The following POU6F2 variants were observed in gnomAD, a reference collection of about 807,000 sequenced individuals.
POU6F2 encodes POU domain, class 6, transcription factor 2.
In POU6F2, 31 loss-of-function variants were observed where a neutral mutation model predicts 71.3. The ratio of observed to expected loss-of-function variants is 0.43; its 90% CI spans 0.33 to 0.59. The LOEUF (loss-of-function observed/expected upper bound fraction) is 0.59, where lower values mean the gene tolerates loss of function less well. Among genes scored for constraint, POU6F2 ranks in the 20% least tolerant of loss-of-function variants. The probability of loss-of-function intolerance (pLI) is 0.04; values close to 1 mark genes in which losing one functional copy is unlikely to be tolerated. For missense variants in POU6F2, 783 were observed against 856.8 expected (o/e 0.91, Z 1.07); for synonymous variants, 347 against 355.7 (o/e 0.98, Z 0.27).
chr7:39,135,339 A>T (rs1792369595), intron 2 of POU6F2, among the ~76,000 whole-genome samples: 1 of 152,220 alleles, frequency 6.6e-6, no homozygotes, highest in Non-Finnish European at 1.5e-5. Context: ...AATCTCAGCC[A>T]TTGTGGCATT....
At chr7:39,138,927 A>T (rs1257044849) in intron 2 of POU6F2, among the ~76,000 whole-genome samples, 6 of 151,920 alleles carry the variant, frequency 3.9e-5, no homozygotes, top group Non-Finnish European at 7.4e-5. Flanking sequence ...GAACCTAGTA[A>T]ATTAGAATTT....
At position 39,377,876 on chromosome 7, in the gene POU6F2, A is replaced by G. The variant is rs538906914; in HGVS notation, c.973-28724A>G. 9.8e-5 allele frequency among the ~76,000 whole-genome samples: 15 copies of G among 152,300 alleles called. No homozygotes were observed. The South Asian group carries it at 3.1e-3, about 32-fold the overall frequency. On this transcript the variant is annotated intron_variant, in intron 5 of 9. Transcript: ENST00000518318. ...AGTTACTTTTAAAAATAACCTGCATAAGAGCCACAAAAGGTAGGTACCTCT... is the reference window on the plus strand; with the variant it reads ...AGTTACTTTTAAAAATAACCTGCATGAGAGCCACAAAAGGTAGGTACCTCT...
chr7:39,264,719 A>C (rs1471120780), intron 4 of POU6F2, among the ~76,000 whole-genome samples: 1 of 152,190 alleles, frequency 6.6e-6, no homozygotes, highest in Non-Finnish European at 1.5e-5. Context: ...AGTACATTCA[A>C]TATATAATTT....
intron 4 of POU6F2, among the ~76,000 whole-genome samples, chr7:39,286,687 T>C (rs968826728): frequency 2.6e-5 from 4 of 152,210 alleles, no homozygotes; most frequent in Non-Finnish European, 5.9e-5. Context: ...CCAGTTGACA[T>C]CAGCATTTTC....
intron 4 of POU6F2, among the ~76,000 whole-genome samples, chr7:39,218,933 A>G (rs2128748022): frequency 6.6e-6 from 1 of 152,238 alleles, no homozygotes; most frequent in South Asian, 2.1e-4. Flanking sequence ...GACTGAAGAA[A>G]CCATGACTGA....
chr7:39,090,036 A>G (rs1042362506), intron 2 of POU6F2, among the ~76,000 whole-genome samples: 1 of 152,012 alleles, frequency 6.6e-6, no homozygotes, highest in Non-Finnish European at 1.5e-5. Flanking sequence ...AAAACCACGT[A>G]TAAGCATTGC....
At position 39,428,780 on chromosome 7, in the gene POU6F2, G is replaced by A. The variant is rs191715476; in HGVS notation, c.1114-4297G>A. ...CATTTCAGCACTTCCCTACACTCCC[G>A]TCAAAACTCACTCATCAAGTTCATG... On this transcript the variant is annotated intron_variant, in intron 6 of 9. Coordinates refer to ENST00000518318, the MANE Select transcript of POU6F2 (RefSeq NM_001370959.1). Among the ~76,000 whole-genome samples, 41 of 152,008 alleles carry A rather than the reference G, an allele frequency of 2.7e-4. No individual in the cohort carries two copies. In the East Asian group the frequency reaches 7.0e-3, roughly 26 times the overall value.
At chr7:39,260,244 AC>A (rs1225993405) in intron 4 of POU6F2, among the ~76,000 whole-genome samples, 4 of 147,574 alleles carry the variant, frequency 2.7e-5, no homozygotes, top group Non-Finnish European at 6.0e-5. Context: ...CACACACCAC[AC>A]CCCCGACACA....
intron 4 of POU6F2, among the ~76,000 whole-genome samples, chr7:39,231,170 A>G (rs758930775): frequency 2.0e-5 from 3 of 152,350 alleles, no homozygotes; most frequent in Non-Finnish European, 4.4e-5. Flanking sequence ...AAAAAATAAC[A>G]AAGGGTAAAG....
chr7:39,428,027 A>T (rs1023902744), intron 6 of POU6F2, among the ~76,000 whole-genome samples: 4 of 152,210 alleles, frequency 2.6e-5, no homozygotes, highest in Admixed American at 2.6e-4. Context: ...CAATGTAAGG[A>T]TAACCTCATG....
At chr7:39,022,294 A>G (rs1367476940) in intron 1 of POU6F2, among the ~76,000 whole-genome samples, 9 of 152,124 alleles carry the variant, frequency 5.9e-5, no homozygotes, top group Non-Finnish European at 1.2e-4. Context: ...AAAATTCACT[A>G]AAATGAAACA....
rs146915158 is a variant in POU6F2 at position 39,220,960 on chromosome 7, T to C, written c.598+13340T>C. 1.6e-3 allele frequency among the ~76,000 whole-genome samples: 239 copies of C among 152,208 alleles called. 1 individual carries two copies. The highest frequency in any genetic ancestry group is 5.4e-3 in the African/African-American group (226 of 41,536). ...GTGTAAAATTCACACAAATGCAAAA[T>C]ATCTCATGAATATTTATATATTGAT... On this transcript the variant is annotated intron_variant, in intron 4 of 9. Transcript: ENST00000518318.
intron 8 of POU6F2, among the ~76,000 whole-genome samples, chr7:39,454,707 TATATATATATATATATATATAA>T (rs1788754689): frequency 1.4e-5 from 1 of 73,502 alleles, no homozygotes; most frequent in Non-Finnish European, 3.0e-5. Flanking sequence ...TATATATATA[TATATATATATATATATATATAA>T]AATAAGATAT....
chr7:39,339,996 C>A lies in POU6F2; in HGVS notation c.953C>A (p.Thr318Lys). Residue 318 changes from threonine to lysine, a missense_variant, in exon 5 of 10, where the codon ACG (threonine) becomes AAG (lysine). Around this residue, in one of 2 missense-constraint regions of POU6F2, gnomAD observed 572 missense variants for 572.9 expected, o/e 1.00. Transcript: ENST00000518318. The part of the protein sequence containing the change: ...SPGHGLPSPL[T>K]PPNPLQLVNN... The stretch of plus-strand genomic sequence containing the variant: ...GGACATGGCCTGCCTTCACCGCTCA[C>A]GCCACCCAATCCTCTACAGGTATGC... 6.2e-7 allele frequency: 1 copy of A among 1,611,544 alleles called. No individual in the cohort carries two copies. Among genetic ancestry groups the A allele is most frequent in the South Asian group, 1.1e-5 (1 of 90,904 alleles).
chr7:39,325,069 G>A (rs1785480660), intron 4 of POU6F2, among the ~76,000 whole-genome samples: 1 of 152,152 alleles, frequency 6.6e-6, no homozygotes, highest in African/African-American at 2.4e-5. Flanking sequence ...TTTATGATAT[G>A]AGTAACTTTT....
chr7:39,206,003 C>G (rs1206108705), intron 3 of POU6F2, among the ~76,000 whole-genome samples: 1 of 152,216 alleles, frequency 6.6e-6, no homozygotes. Flanking sequence ...TGAACCCCCT[C>G]TCAACTAGAC....
intron 5 of POU6F2, among the ~76,000 whole-genome samples, chr7:39,391,756 C>T (rs1489850353): frequency 6.6e-6 from 1 of 152,204 alleles, no homozygotes; most frequent in Non-Finnish European, 1.5e-5. Context: ...AGTTCTAAGT[C>T]TTTGCTATAA....
At chr7:39,127,704 G>A (rs560624589) in intron 2 of POU6F2, among the ~76,000 whole-genome samples, 3 of 152,202 alleles carry the variant, frequency 2.0e-5, no homozygotes, top group South Asian at 2.1e-4. Context: ...ATTGAGTCAC[G>A]TGGAGATGTG....
intron 5 of POU6F2, among the ~76,000 whole-genome samples, chr7:39,384,101 A>G (rs1248632963): frequency 6.6e-6 from 1 of 152,240 alleles, no homozygotes; most frequent in Non-Finnish European, 1.5e-5. Flanking sequence ...TCAATAATCC[A>G]AAGCACTGCC....
Sources: gnomAD v4.1 joint callset for allele counts (sites outside exome capture counted in the v4.1 genomes callset) on GRCh38, gnomAD v4.1.1 for gene constraint, gnomAD v4.1.1 regional missense constraint, MANE v1.5 for transcripts, NCBI Gene and HGNC (gene_info 2026-07-23, HGNC 2026-07-21) for gene names.